The following VAT1L variants were observed in gnomAD, a reference collection of about 807,000 sequenced individuals.
The protein encoded by VAT1L is putative NADPH-dependent quinone oxidoreductase VAT1L.
Under a neutral mutation model 44.1 loss-of-function variants are expected in VAT1L, and 34 were observed. That is an observed-to-expected ratio of 0.77 (90% CI 0.59 to 1.03). VAT1L has a LOEUF of 1.03. VAT1L is among the 50% of genes least tolerant of loss of function. The pLI, the probability that VAT1L is intolerant of heterozygous loss-of-function variation, is 0.00. For missense variants in VAT1L, 615 were observed against 538.8 expected (o/e 1.14, Z -1.40); for synonymous variants, 253 against 202.2 (o/e 1.25, Z -2.13).
intron 7 of VAT1L, among the ~76,000 whole-genome samples, chr16:77,965,681 G>A (rs562543135): frequency 1.3e-5 from 2 of 152,268 alleles, no homozygotes; most frequent in Admixed American, 6.5e-5. Flanking sequence ...AACAGACTCC[G>A]CTGGGCCACC....
chr16:77,924,516 A>G (rs577206871), intron 7 of VAT1L, among the ~76,000 whole-genome samples: 1 of 152,022 alleles, frequency 6.6e-6, no homozygotes, highest in African/African-American at 2.4e-5. Context: ...GCTGGAGTGC[A>G]GTGACACAAT....
intron 7 of VAT1L, among the ~76,000 whole-genome samples, chr16:77,959,713 A>G (rs1487396688): frequency 6.6e-6 from 1 of 152,198 alleles, no homozygotes. Context: ...GGCTACTATG[A>G]AGCACTAAAT....
rs1242109585 is a variant in VAT1L, at chr16:77,977,692, G to A, written c.1257G>A (p.Gln419=). The change falls in exon 9 of 9, where the codon CAG becomes CAA. Residue 419 remains glutamine (Q), a synonymous_variant. Coordinates refer to ENST00000302536, the MANE Select transcript of VAT1L (RefSeq NM_020927.3). ...ACAAGGAGCGGATGCCCTTTATCCA[G>A]TAACTGAGGACCCAGGTGGGAGAAT... ...SENKERMPFI[Q] 2 of 1,613,752 alleles carry A rather than the reference G, an allele frequency of 1.2e-6. No homozygotes were observed. The highest frequency in any genetic ancestry group is 1.1e-5 in the South Asian group (1 of 90,952).
rs193198352 is a variant in VAT1L, at chr16:77,910,362, C to T, written c.1077+25560C>T. Among the ~76,000 whole-genome samples the T allele has an allele frequency of 5.4e-3, 822 of 152,254 alleles. 10 individuals carry two copies. Among genetic ancestry groups the T allele is most frequent in the African/African-American group, 0.019 (787 of 41,552 alleles). On this transcript the variant is annotated intron_variant, in intron 7 of 8. Transcript: ENST00000302536. ...CCTAGTAGTTTGGAAATTCATTATACAGTATCACTTCCTAAGAATACACTA... is the reference window on the plus strand; with the variant it reads ...CCTAGTAGTTTGGAAATTCATTATATAGTATCACTTCCTAAGAATACACTA...
At chr16:77,914,043 G>A (rs1003973691) in intron 7 of VAT1L, among the ~76,000 whole-genome samples, 3 of 152,130 alleles carry the variant, frequency 2.0e-5, no homozygotes, top group African/African-American at 7.2e-5. Context: ...CACACAGCAA[G>A]TATTCAGAGA....
intron 1 of VAT1L, among the ~76,000 whole-genome samples, chr16:77,813,244 G>A (rs941047777): frequency 6.6e-6 from 1 of 152,102 alleles, no homozygotes; most frequent in African/African-American, 2.4e-5. Context: ...ACTATTTACT[G>A]TGTGGCCTTG....
intron 2 of VAT1L, among the ~76,000 whole-genome samples, chr16:77,819,832 A>C (rs755919375): frequency 6.6e-6 from 1 of 152,212 alleles, no homozygotes; most frequent in Non-Finnish European, 1.5e-5. Context: ...GTCAGTATTT[A>C]ACTGCTGATT....
chr16:77,927,674 G>A (rs187393107), intron 7 of VAT1L, among the ~76,000 whole-genome samples: 7 of 152,066 alleles, frequency 4.6e-5, no homozygotes, highest in East Asian at 3.9e-4. Context: ...TCAGGAGTTC[G>A]AGACCATCCT....
At chr16:77,820,080 T>A (rs1002880127) in intron 2 of VAT1L, among the ~76,000 whole-genome samples, 1 of 152,220 alleles carries the variant, frequency 6.6e-6, no homozygotes, top group African/African-American at 2.4e-5. Context: ...TGCACCCTTA[T>A]ATAACGTTAT....
At chr16:77,965,160 GAGAGAACAT>G (rs1159078872) in intron 7 of VAT1L, among the ~76,000 whole-genome samples, 7 of 152,158 alleles carry the variant, frequency 4.6e-5, no homozygotes, top group Admixed American at 4.6e-4. Context: ...CCAGGACAGA[GAGAGAACAT>G]CTGTTTCAGC....
intron 7 of VAT1L, among the ~76,000 whole-genome samples, chr16:77,895,123 C>CACACACACACACACACACACA (rs1444617616): frequency 6.6e-6 from 1 of 151,780 alleles, no homozygotes; most frequent in East Asian, 1.9e-4. Flanking sequence ...CACACTCACA[C>CACACACACACACACACACACA]ATTTCCGATT....
At chr16:77,862,706 G>A (rs760939052) in intron 3 of VAT1L, 42 bp from the exon 4 acceptor site, 1 of 1,596,848 alleles carries the variant, frequency 6.3e-7, no homozygotes, top group South Asian at 1.1e-5. Flanking sequence ...CTATGATCTG[G>A]TGGCTCCTAT....
chr16:77,889,060 G>A (rs2017237441), intron 7 of VAT1L, among the ~76,000 whole-genome samples: 1 of 152,248 alleles, frequency 6.6e-6, no homozygotes, highest in South Asian at 2.1e-4. Flanking sequence ...TGAGGAGAGT[G>A]TAACATGCTT....
At chr16:77,940,337 T>C (rs1283498047) in intron 7 of VAT1L, among the ~76,000 whole-genome samples, 1 of 134,982 alleles carries the variant, frequency 7.4e-6, no homozygotes, top group Non-Finnish European at 1.6e-5. Flanking sequence ...AACATACCAC[T>C]TGGTTTTTTT....
intron 1 of VAT1L, among the ~76,000 whole-genome samples, chr16:77,810,276 A>G (rs2016241996): frequency 6.6e-6 from 1 of 152,192 alleles, no homozygotes; most frequent in Admixed American, 6.5e-5. Context: ...CATCAGCATT[A>G]CTTAGGAACT....
chr16:77,832,222 A>G (rs973716490), intron 3 of VAT1L, among the ~76,000 whole-genome samples: 1 of 152,106 alleles, frequency 6.6e-6, no homozygotes, highest in Non-Finnish European at 1.5e-5. Flanking sequence ...AAATCTCTGT[A>G]TAGTCTTTTC....
chr16:77,888,690 C>T (rs2017233095), intron 7 of VAT1L, among the ~76,000 whole-genome samples: 2 of 152,246 alleles, frequency 1.3e-5, no homozygotes, highest in Admixed American at 1.3e-4. Context: ...GGCCTCTACT[C>T]CCGTACCGCC....
chr16:77,847,003 G>A (rs905687650), intron 3 of VAT1L, among the ~76,000 whole-genome samples: 10 of 152,058 alleles, frequency 6.6e-5, no homozygotes, highest in African/African-American at 1.2e-4. Context: ...TCCAGATTTC[G>A]TGATTTACAA....
At chr16:77,918,086 A>G (rs1486169097) in intron 7 of VAT1L, among the ~76,000 whole-genome samples, 1 of 152,202 alleles carries the variant, frequency 6.6e-6, no homozygotes, top group African/African-American at 2.4e-5. Flanking sequence ...TCCATATCCA[A>G]TAAATGTGTG....
Sources: gnomAD v4.1 joint callset for allele counts (sites outside exome capture counted in the v4.1 genomes callset) on GRCh38, gnomAD v4.1.1 for gene constraint, MANE v1.5 for transcripts, NCBI Gene and HGNC (gene_info 2026-07-23, HGNC 2026-07-21) for gene names.